Variants in SLC35D4 observed in about 807,000 individuals in gnomAD.
SLC35D4 encodes solute carrier family 35 member D4.
At chr18:23,258,472 C>T in the SLC35D4 span, 6 of 152,136 alleles carry the variant, frequency 3.9e-5, no homozygotes, top group Non-Finnish European at 8.8e-5. Flanking sequence ...CCCACGTGCC[C>T]AGGGCTGTTC....
the SLC35D4 span, chr18:23,399,495 A>G: frequency 7.5e-7 from 1 of 1,339,580 alleles, no homozygotes; most frequent in Non-Finnish European, 1.1e-6. Flanking sequence ...TATTGAGCTG[A>G]GGCATGATAA....
At chr18:23,424,785 A>C in the SLC35D4 span, among the ~76,000 whole-genome samples, 2 of 152,166 alleles carry the variant, frequency 1.3e-5, no homozygotes, top group Admixed American at 1.3e-4. Context: ...CAGGAGTTCA[A>C]AGCTGCAGAG....
the SLC35D4 span, among the ~76,000 whole-genome samples, chr18:23,414,574 G>A: frequency 6.6e-6 from 1 of 151,748 alleles, no homozygotes; most frequent in Non-Finnish European, 1.5e-5. Context: ...CCGGGGGGCT[G>A]AGGCAAGAGA....
At chr18:23,256,086 C>T in the SLC35D4 span, among the ~76,000 whole-genome samples, 21 of 152,162 alleles carry the variant, frequency 1.4e-4, no homozygotes, top group Non-Finnish European at 2.5e-4. Context: ...CAGCCACTTA[C>T]GGTAGCAAGA....
the SLC35D4 span, among the ~76,000 whole-genome samples, chr18:23,317,154 T>TACACACACACACAC: frequency 6.7e-6 from 1 of 149,812 alleles, no homozygotes; most frequent in South Asian, 2.1e-4. Flanking sequence ...TGGGAGAAGT[T>TACACACACACACAC]ACACACACAC....
At chr18:23,437,906 C>T in the SLC35D4 span, 15 of 1,553,706 alleles carry the variant, frequency 9.7e-6, no homozygotes, top group East Asian at 3.1e-4. Context: ...AATCCCCTGG[C>T]CGCCGCCCGA....
chr18:23,410,286 G>T, the SLC35D4 span, among the ~76,000 whole-genome samples: 1 of 152,006 alleles, frequency 6.6e-6, no homozygotes, highest in Admixed American at 6.6e-5. Flanking sequence ...GACCATCCTG[G>T]CTAACACAGT....
At chr18:23,361,738 C>T in the SLC35D4 span, among the ~76,000 whole-genome samples, 1 of 152,180 alleles carries the variant, frequency 6.6e-6, no homozygotes, top group Non-Finnish European at 1.5e-5. Flanking sequence ...CATTTGTGTC[C>T]ACTCTTTTTC....
the SLC35D4 span, among the ~76,000 whole-genome samples, chr18:23,254,202 T>C: frequency 1.3e-5 from 2 of 152,212 alleles, no homozygotes; most frequent in African/African-American, 4.8e-5. Context: ...GATGCAATCA[T>C]TCCCACAGCC....
the SLC35D4 span, among the ~76,000 whole-genome samples, chr18:23,244,306 A>C: frequency 6.6e-6 from 1 of 152,338 alleles, no homozygotes; most frequent in Non-Finnish European, 1.5e-5. Context: ...TGGCCATGTA[A>C]ACCTGAAGCA....
chr18:23,430,052 T>A, the SLC35D4 span, among the ~76,000 whole-genome samples: 1 of 152,190 alleles, frequency 6.6e-6, no homozygotes, highest in Non-Finnish European at 1.5e-5. Context: ...TTGCATTTGC[T>A]TTTGAGGACT....
chr18:23,379,052 G>C, the SLC35D4 span, among the ~76,000 whole-genome samples: 1 of 152,188 alleles, frequency 6.6e-6, no homozygotes, highest in African/African-American at 2.4e-5. Flanking sequence ...GAGCTGAAAG[G>C]AGGAGGGCAA....
chr18:23,370,416 A>G, the SLC35D4 span: 8 of 658,794 alleles, frequency 1.2e-5, no homozygotes, highest in Non-Finnish European at 2.1e-5. Flanking sequence ...CTGACAGGAG[A>G]AGACCATCAA....
At chr18:23,419,477 A>C in the SLC35D4 span, among the ~76,000 whole-genome samples, 2 of 152,018 alleles carry the variant, frequency 1.3e-5, no homozygotes, top group Non-Finnish European at 2.9e-5. Context: ...TTTTTAGTAG[A>C]GACAGGGTTT....
the SLC35D4 span, among the ~76,000 whole-genome samples, chr18:23,273,064 T>C: frequency 6.6e-6 from 1 of 152,170 alleles, no homozygotes; most frequent in Admixed American, 6.5e-5. Context: ...TCAATGGGTG[T>C]GCTAATGACG....
the SLC35D4 span, among the ~76,000 whole-genome samples, chr18:23,412,382 T>C: frequency 1.3e-5 from 2 of 152,230 alleles, no homozygotes; most frequent in Non-Finnish European, 2.9e-5. Context: ...AAAATACTAA[T>C]ACCTTACAAA....
the SLC35D4 span, chr18:23,384,930 G>T: frequency 6.6e-7 from 1 of 1,518,158 alleles, no homozygotes; most frequent in South Asian, 1.2e-5. Flanking sequence ...ATAAAAAGAA[G>T]AGTACTTCTT....
At chr18:23,321,040 GCCTAAACTCT>G in the SLC35D4 span, among the ~76,000 whole-genome samples, 2 of 152,036 alleles carry the variant, frequency 1.3e-5, no homozygotes, top group African/African-American at 4.8e-5. Context: ...CAATATGACT[GCCTAAACTCT>G]GCTAGTTTCT....
the SLC35D4 span, among the ~76,000 whole-genome samples, chr18:23,433,928 TGCC>T: frequency 1.3e-5 from 2 of 152,148 alleles, no homozygotes; most frequent in African/African-American, 4.8e-5. Flanking sequence ...ACATGCTCTC[TGCC>T]ACATTAGAGT....
Sources: gnomAD v4.1 joint callset for allele counts (sites outside exome capture counted in the v4.1 genomes callset) on GRCh38, gnomAD v4.1.1 for gene constraint, MANE v1.5 for transcripts, NCBI Gene and HGNC (gene_info 2026-07-23, HGNC 2026-07-21) for gene names.